The following ATP8B4 variants were observed in gnomAD, a reference collection of about 807,000 sequenced individuals.
The protein encoded by ATP8B4 is probable phospholipid-transporting ATPase IM.
In ATP8B4, 133 loss-of-function variants were observed where a neutral mutation model predicts 145.6. That is an observed-to-expected ratio of 0.91 (90% CI 0.79 to 1.05). ATP8B4 has a LOEUF of 1.05. Ranked by LOEUF, ATP8B4 falls within the 50% of genes least tolerant of loss-of-function variation. The pLI is 0.00. For synonymous variants in ATP8B4, 507 were observed against 492.9 expected (o/e 1.03, Z -0.38); for missense variants, 1,458 against 1,425.2 (o/e 1.02, Z -0.37).
intron 2 of ATP8B4, among the ~76,000 whole-genome samples, chr15:50,104,736 G>A (rs543843931): frequency 2.6e-5 from 4 of 152,198 alleles, no homozygotes; most frequent in African/African-American, 9.6e-5. Context: ...TCTACCCAGA[G>A]GAAGAGAAGT....
intron 2 of ATP8B4, among the ~76,000 whole-genome samples, chr15:50,083,934 T>C (rs535453928): frequency 4.7e-4 from 71 of 152,328 alleles, no homozygotes; most frequent in Non-Finnish European, 7.2e-4. Flanking sequence ...AGTGTTTTCA[T>C]GCCCACAGAT....
intron 1 of ATP8B4, among the ~76,000 whole-genome samples, chr15:50,124,331 C>T (rs371879059): frequency 1.6e-4 from 24 of 152,068 alleles, no homozygotes; most frequent in East Asian, 1.2e-3. Flanking sequence ...CCAACATAAA[C>T]GACTGACCCA....
intron 23 of ATP8B4, 143 bp from the exon 24 acceptor site, chr15:49,879,602 G>T (rs1281202088): frequency 4.5e-6 from 3 of 671,618 alleles, no homozygotes; most frequent in Non-Finnish European, 7.5e-6. Flanking sequence ...TCCTAGACCT[G>T]CCTCTTATCA....
At chr15:49,959,838 A>G (rs2043906223) in intron 14 of ATP8B4, among the ~76,000 whole-genome samples, 1 of 152,194 alleles carries the variant, frequency 6.6e-6, no homozygotes, top group Admixed American at 6.5e-5. Flanking sequence ...GTTCTTGGAT[A>G]AGAAGATTCA....
At chr15:50,034,238 T>A (rs2050663814) in intron 6 of ATP8B4, among the ~76,000 whole-genome samples, 2 of 151,730 alleles carry the variant, frequency 1.3e-5, no homozygotes, top group South Asian at 4.2e-4. Flanking sequence ...GTTTTTTTTT[T>A]TTTTTTTTTT....
At chr15:50,035,574 G>A (rs1048423528) in intron 6 of ATP8B4, among the ~76,000 whole-genome samples, 1 of 151,938 alleles carries the variant, frequency 6.6e-6, no homozygotes, top group African/African-American at 2.4e-5. Context: ...CACACCTTAG[G>A]GTTTTATGAG....
intron 27 of ATP8B4, among the ~76,000 whole-genome samples, chr15:49,860,821 C>T (rs1018331562): frequency 6.6e-6 from 1 of 152,154 alleles, no homozygotes; most frequent in African/African-American, 2.4e-5. Flanking sequence ...ATTTCATTCT[C>T]CCAAAACAGC....
At chr15:49,909,505 G>A (rs2039002858) in intron 20 of ATP8B4, among the ~76,000 whole-genome samples, 1 of 151,964 alleles carries the variant, frequency 6.6e-6, no homozygotes, top group South Asian at 2.1e-4. Flanking sequence ...CCTCCTGGTG[G>A]CCCAAGAATC....
At chr15:49,963,908 G>GA (rs370266731) in intron 13 of ATP8B4, among the ~76,000 whole-genome samples, 82 of 144,174 alleles carry the variant, frequency 5.7e-4, no homozygotes, top group Non-Finnish European at 8.1e-4. Context: ...CTTAAAAGTT[G>GA]AAAAAAAAAA....
intron 10 of ATP8B4, among the ~76,000 whole-genome samples, chr15:49,986,999 C>A (rs1442411205): frequency 4.6e-5 from 7 of 152,148 alleles, no homozygotes; most frequent in African/African-American, 1.7e-4. Context: ...TTGACCTTTG[C>A]AAACTACAAA....
chr15:50,104,044 A>G (rs1344749502), intron 2 of ATP8B4, among the ~76,000 whole-genome samples: 1 of 152,186 alleles, frequency 6.6e-6, no homozygotes, highest in Non-Finnish European at 1.5e-5. Flanking sequence ...GAAGAATGAA[A>G]CTGGATTCTC....
At chr15:50,068,812 G>A (rs1399867872) in intron 3 of ATP8B4, among the ~76,000 whole-genome samples, 2 of 152,134 alleles carry the variant, frequency 1.3e-5, no homozygotes, top group Non-Finnish European at 2.9e-5. Context: ...AAGAACCAAC[G>A]AGAACCAGTG....
intron 27 of ATP8B4, among the ~76,000 whole-genome samples, chr15:49,860,941 G>A (rs567376713): frequency 2.6e-5 from 4 of 152,188 alleles, no homozygotes; most frequent in South Asian, 2.1e-4. Flanking sequence ...GTAGCTCAAC[G>A]TATCATGAGA....
intron 1 of ATP8B4, among the ~76,000 whole-genome samples, chr15:50,151,056 A>T (rs1000816463): frequency 3.3e-5 from 5 of 152,120 alleles, no homozygotes; most frequent in African/African-American, 1.2e-4. Context: ...TTGTTGTGTG[A>T]CTCATTATCA....
chr15:49,862,473 A>G (rs1364331585), intron 26 of ATP8B4, 98 bp from the exon 27 acceptor site: 27 of 1,270,686 alleles, frequency 2.1e-5, no homozygotes, highest in Non-Finnish European at 2.9e-5. Flanking sequence ...TTTTTTTTTG[A>G]GATGGAGTCT....
chr15:50,070,106 C>T (rs550039290), intron 3 of ATP8B4, among the ~76,000 whole-genome samples: 1 of 152,098 alleles, frequency 6.6e-6, no homozygotes, highest in Non-Finnish European at 1.5e-5. Context: ...TAGAACCATG[C>T]CTTTCATATG....
In ATP8B4 at chr15:50,006,285, A is replaced by T. The variant is rs1165235169; in HGVS notation, c.436-4062T>A. On this transcript the variant is annotated intron_variant, in intron 7 of 27. Coordinates refer to ENST00000284509, the MANE Select transcript of ATP8B4 (RefSeq NM_024837.4). ...TAACAGGCAGGCTGTTCCTCTAGTC[A>T]AAAAAAAAAAAAATCCTTGCCTGAA... 4.3e-5 allele frequency among the ~76,000 whole-genome samples: 3 copies of T among 69,246 alleles called. No homozygotes were observed. The East Asian group carries it at 2.0e-3, about 46-fold the overall frequency. The allele number at this position is 69,246 out of a possible 152,430, so 45.4% of individuals were successfully genotyped here. A position where few individuals can be genotyped will look rare whatever the true frequency, so the allele number is the denominator to read the frequency against.
intron 1 of ATP8B4, among the ~76,000 whole-genome samples, chr15:50,144,068 G>C (rs1245119196): frequency 6.6e-6 from 1 of 152,104 alleles, no homozygotes; most frequent in Non-Finnish European, 1.5e-5. Context: ...AGCCAATTCA[G>C]GTCCCTTTGT....
chr15:50,046,409 A>AG (rs1462447569), intron 4 of ATP8B4, among the ~76,000 whole-genome samples: 1 of 152,188 alleles, frequency 6.6e-6, no homozygotes, highest in African/African-American at 2.4e-5. Flanking sequence ...AAAAACAAAA[A>AG]CAAAACAAAA....
Sources: allele counts gnomAD v4.1 joint callset (sites outside exome capture counted in the v4.1 genomes callset), GRCh38; gene constraint gnomAD v4.1.1; transcripts MANE v1.5; gene names NCBI Gene and HGNC (gene_info 2026-07-23, HGNC 2026-07-21).